Variants in MAST4 observed in about 807,000 individuals in gnomAD.
MAST4 encodes microtubule associated serine/threonine kinase family member 4, also known as microtubule-associated serine/threonine-protein kinase 4.
A neutral mutation model predicts 162.7 loss-of-function variants in MAST4; 89 were observed. The observed-to-expected ratio is 0.55, with a 90% CI of 0.46 to 0.65. The LOEUF is 0.65. Ranked by LOEUF, MAST4 falls within the 30% of genes least tolerant of loss-of-function variation. The pLI is 0.00. For synonymous variants in MAST4, 1,479 were observed against 1,361.1 expected (o/e 1.09, Z -1.91); for missense variants, 3,153 against 3,374.0 (o/e 0.93, Z 1.62).
At chr5:66,865,735 A>G (rs1477102912) in intron 3 of MAST4, among the ~76,000 whole-genome samples, 1 of 152,182 alleles carries the variant, frequency 6.6e-6, no homozygotes, top group Non-Finnish European at 1.5e-5. Flanking sequence ...TTTAATTACA[A>G]GTCACATCAT....
At chr5:66,815,466 G>T (rs370977319) in intron 3 of MAST4, among the ~76,000 whole-genome samples, 1 of 151,946 alleles carries the variant, frequency 6.6e-6, no homozygotes, top group Non-Finnish European at 1.5e-5. Context: ...TTTATCATAC[G>T]TATGTATATA....
At chr5:66,720,875 G>A (rs962249057) in intron 1 of MAST4, among the ~76,000 whole-genome samples, 73 of 152,096 alleles carry the variant, frequency 4.8e-4, no homozygotes, top group Non-Finnish European at 7.4e-5. Context: ...GCTTTTAGCC[G>A]ATGACCTTGA....
At chr5:66,692,555 C>T (rs539484053) in intron 1 of MAST4, among the ~76,000 whole-genome samples, 4 of 152,110 alleles carry the variant, frequency 2.6e-5, no homozygotes, top group African/African-American at 4.8e-5. Flanking sequence ...TTTGAATATT[C>T]GAGGCAATAG....
chr5:66,884,172 AG>A (rs2149918056), intron 3 of MAST4, among the ~76,000 whole-genome samples: 1 of 152,360 alleles, frequency 6.6e-6, no homozygotes, highest in South Asian at 2.1e-4. Context: ...TTTCCCAAAA[AG>A]TGTTTCATAT....
In MAST4 at chr5:67,089,262, G is replaced by A. The variant is rs116995981; in HGVS notation, c.764-900G>A. Among the ~76,000 whole-genome samples, 65 of 152,312 alleles carry A rather than the reference G, an allele frequency of 4.3e-4. No individual in the cohort carries two copies. In the East Asian group the frequency reaches 0.011, roughly 25 times the overall value. The stretch of plus-strand genomic sequence containing the variant: ...GCCAATCTAATTAAACATGCAGAGG[G>A]AAGCAGGGTGGTCTGGAGTGTCCTG... On this transcript the variant is annotated intron_variant, in intron 5 of 28. Transcript: ENST00000403625.
At chr5:66,907,205 GA>G (rs1580834024) in intron 4 of MAST4, among the ~76,000 whole-genome samples, 2 of 87,116 alleles carry the variant, frequency 2.3e-5, no homozygotes, top group East Asian at 6.5e-4. Flanking sequence ...GAGAGAGAGA[GA>G]GTCCTGCTAG....
intron 1 of MAST4, among the ~76,000 whole-genome samples, chr5:66,742,753 G>A (rs1052257061): frequency 6.6e-6 from 1 of 152,196 alleles, no homozygotes; most frequent in Admixed American, 6.5e-5. Context: ...CTACAGGAGA[G>A]TTTTCTTCTG....
At chr5:66,896,425 C>T (rs1487685196) in intron 3 of MAST4, among the ~76,000 whole-genome samples, 2 of 152,244 alleles carry the variant, frequency 1.3e-5, no homozygotes, top group Admixed American at 1.3e-4. Context: ...TGCTATTGTT[C>T]CCTTTTTCTA....
chr5:66,802,086 C>G (rs42428), intron 3 of MAST4, among the ~76,000 whole-genome samples: 1 of 152,104 alleles, frequency 6.6e-6, no homozygotes, highest in Non-Finnish European at 1.5e-5. Context: ...GCCCTCTTAT[C>G]GCAATTAATA....
intron 1 of MAST4, among the ~76,000 whole-genome samples, chr5:66,610,616 G>T (rs114422068): frequency 5.2e-4 from 79 of 152,296 alleles, no homozygotes; most frequent in Admixed American, 7.2e-4. Flanking sequence ...TCCACTGGGG[G>T]TGCTGAAGGC....
At chr5:67,014,015 T>C (rs1752992970) in intron 4 of MAST4, among the ~76,000 whole-genome samples, 1 of 152,192 alleles carries the variant, frequency 6.6e-6, no homozygotes, top group Non-Finnish European at 1.5e-5. Context: ...CTCAAGACTT[T>C]TGATACAAAA....
At chr5:66,953,220 A>C (rs1170900307) in intron 4 of MAST4, among the ~76,000 whole-genome samples, 2 of 152,170 alleles carry the variant, frequency 1.3e-5, no homozygotes, top group Non-Finnish European at 1.5e-5. Context: ...GATTGCCCTA[A>C]GATTTTGTGT....
At chr5:66,940,638 G>A (rs553461824) in intron 4 of MAST4, among the ~76,000 whole-genome samples, 13 of 151,966 alleles carry the variant, frequency 8.6e-5, no homozygotes, top group African/African-American at 2.2e-4. Flanking sequence ...TCTAATTTTC[G>A]TTCTATTTCT....
chr5:66,938,974 G>C (rs1238827486), intron 4 of MAST4, among the ~76,000 whole-genome samples: 1 of 152,132 alleles, frequency 6.6e-6, no homozygotes, highest in Admixed American at 6.6e-5. Flanking sequence ...ATAATTAAAA[G>C]TTATAGATAT....
intron 4 of MAST4, among the ~76,000 whole-genome samples, chr5:66,917,858 T>G (rs1172617951): frequency 6.6e-6 from 1 of 152,156 alleles, no homozygotes; most frequent in African/African-American, 2.4e-5. Context: ...TTCATGACTT[T>G]TTTTAGCCAG....
At chr5:66,613,810 T>A (rs1277418405) in intron 1 of MAST4, among the ~76,000 whole-genome samples, 1 of 152,220 alleles carries the variant, frequency 6.6e-6, no homozygotes, top group Non-Finnish European at 1.5e-5. Context: ...AAACCTAATC[T>A]GTTAAACAAA....
intron 4 of MAST4, among the ~76,000 whole-genome samples, chr5:67,000,758 G>A (rs912418131): frequency 2.2e-5 from 3 of 139,014 alleles, no homozygotes; most frequent in African/African-American, 8.6e-5. Context: ...AAAAAAAAAG[G>A]GGGGGGGTGG....
intron 1 of MAST4, among the ~76,000 whole-genome samples, chr5:66,602,036 G>C (rs183120420): frequency 6.6e-6 from 1 of 152,254 alleles, no homozygotes; most frequent in East Asian, 1.9e-4. Flanking sequence ...TATGAAATAC[G>C]TGTGAAATAC....
intron 1 of MAST4, among the ~76,000 whole-genome samples, chr5:66,632,235 G>A (rs1744836425): frequency 6.6e-6 from 1 of 152,138 alleles, no homozygotes; most frequent in Non-Finnish European, 1.5e-5. Context: ...TAGAAGTAAT[G>A]CAGAATTATT....
Sources: allele counts gnomAD v4.1 joint callset (sites outside exome capture counted in the v4.1 genomes callset), GRCh38; gene constraint gnomAD v4.1.1; transcripts MANE v1.5; gene names NCBI Gene and HGNC (gene_info 2026-07-23, HGNC 2026-07-21).